The following DNAJC17 variants were observed in gnomAD, a reference collection of about 807,000 sequenced individuals.
DNAJC17 encodes dnaJ homolog subfamily C member 17.
DNAJC17 carries 35 observed loss-of-function variants against 48.1 expected under a neutral mutation model. That is an observed-to-expected ratio of 0.73 (90% CI 0.56 to 0.96). DNAJC17 has a LOEUF of 0.96. Ranked by LOEUF, DNAJC17 falls within the 50% of genes least tolerant of loss-of-function variation. DNAJC17 has a pLI of 0.00. For synonymous variants in DNAJC17, 117 were observed against 142.7 expected, an observed-to-expected ratio of 0.82 and a Z score of 1.28; for missense variants, 355 against 377.1, an observed-to-expected ratio of 0.94 and a Z score of 0.48.
At chr15:40,798,158 TAAAA>T (rs1889985394) in intron 1 of DNAJC17, among the ~76,000 whole-genome samples, 1 of 152,166 alleles carries the variant, frequency 6.6e-6, no homozygotes, top group Non-Finnish European at 1.5e-5. Flanking sequence ...TATTCAACCT[TAAAA>T]AGAAAGGAAA....
In DNAJC17 at chr15:40,767,248, C is replaced by T. The variant is rs759815106; in HGVS notation, c.*692G>A. On this transcript the variant is annotated 3_prime_UTR_variant, in exon 11 of 11. Coordinates refer to ENST00000220496, the MANE Select transcript of DNAJC17 (RefSeq NM_018163.3). ...CAGTTATGAATACTACGTCGATGAC[C>T]CTCCCCGCATAGTCCTGGACAAGCT... The T allele has an allele frequency of 6.3e-7, 1 of 1,580,566 alleles. No homozygotes were observed. Among genetic ancestry groups the T allele is most frequent in the East Asian group, 2.4e-5 (1 of 41,676 alleles).
At chr15:40,792,359 C>T (rs966769226) in intron 1 of DNAJC17, 6 of 680,762 alleles carry the variant, frequency 8.8e-6, no homozygotes, top group Non-Finnish European at 1.1e-5. Flanking sequence ...TATTAAGTTT[C>T]CCTGGTAGTT....
At chr15:40,804,727 C>A (rs557843278) in intron 1 of DNAJC17, among the ~76,000 whole-genome samples, 1 of 152,206 alleles carries the variant, frequency 6.6e-6, no homozygotes, top group Non-Finnish European at 1.5e-5. Context: ...TTCAGCCGGG[C>A]GCGGTGGCTC....
At chr15:40,798,482 A>T (rs528996032) in intron 1 of DNAJC17, among the ~76,000 whole-genome samples, 2 of 152,348 alleles carry the variant, frequency 1.3e-5, no homozygotes, top group Admixed American at 1.3e-4. Context: ...TTAATCAAAA[A>T]GGATTAAAAT....
chr15:40,779,311 C>CTGGCAGGAGAAAG lies in DNAJC17; in HGVS notation c.208-14_208-2dup. Reference sequence around the variant, plus strand: ...CTTTCCTGACCTTGTCATATGCAGCCTGGCAGGAGAAAGGGGCACAGGGCA... The same window carrying CTGGCAGGAGAAAG: ...CTTTCCTGACCTTGTCATATGCAGCCTGGCAGGAGAAAGTGGCAGGAGAAAGGGGCACAGGGCA... On this transcript the variant is annotated splice_acceptor_variant, in intron 3 of 10. Coordinates refer to ENST00000220496, the MANE Select transcript of DNAJC17 (RefSeq NM_018163.3). LOFTEE classifies it high-confidence loss of function. The CTGGCAGGAGAAAG allele has an allele frequency of 6.2e-7, 1 of 1,613,988 alleles. No homozygotes were observed.
chr15:40,781,551 G>A (rs183958243), intron 1 of DNAJC17, among the ~76,000 whole-genome samples: 6 of 152,014 alleles, frequency 3.9e-5, no homozygotes, highest in Non-Finnish European at 8.8e-5. Context: ...AATTTGCCAC[G>A]CTTATTAAAA....
chr15:40,805,647 G>A (rs1317229165), intron 1 of DNAJC17, among the ~76,000 whole-genome samples: 1 of 151,084 alleles, frequency 6.6e-6, no homozygotes, highest in Non-Finnish European at 1.5e-5. Flanking sequence ...TCGAGACCAC[G>A]GTGAAACCCC....
intron 1 of DNAJC17, among the ~76,000 whole-genome samples, chr15:40,788,108 G>C (rs937382589): frequency 2.0e-5 from 3 of 152,180 alleles, no homozygotes; most frequent in African/African-American, 7.2e-5. Context: ...CCCAGTTCCA[G>C]TCACAGGCAC....
chr15:40,767,354 C>G lies in DNAJC17; in HGVS notation c.*586G>C, dbSNP rs1888973462. 1 of 1,594,124 alleles carries G rather than the reference C, an allele frequency of 6.3e-7. No homozygotes were observed. Among genetic ancestry groups the G allele is most frequent in the Non-Finnish European group, 8.5e-7 (1 of 1,171,366 alleles). ...TGGTGTCTGCACAAGGAGTGACCTT[C>G]TCATGCTGATTTGCAGACGGGGCAC... is the stretch of plus-strand genomic sequence containing the variant. On this transcript the variant is annotated 3_prime_UTR_variant, in exon 11 of 11. Coordinates refer to ENST00000220496, the MANE Select transcript of DNAJC17 (RefSeq NM_018163.3).
intron 1 of DNAJC17, among the ~76,000 whole-genome samples, chr15:40,784,055 C>T (rs571762253): frequency 2.6e-5 from 4 of 151,246 alleles, no homozygotes; most frequent in African/African-American, 9.7e-5. Flanking sequence ...GGTAAAACCC[C>T]GTCTCTACCA....
intron 1 of DNAJC17, among the ~76,000 whole-genome samples, chr15:40,806,779 C>T (rs752381822): frequency 3.3e-5 from 5 of 152,230 alleles, no homozygotes; most frequent in Non-Finnish European, 7.3e-5. Context: ...TACCATCTGC[C>T]TTAACCTTCT....
At chr15:40,805,905 A>G (rs1890202956) in intron 1 of DNAJC17, among the ~76,000 whole-genome samples, 2 of 137,938 alleles carry the variant, frequency 1.4e-5, no homozygotes, top group South Asian at 5.2e-4. Context: ...CACTTAGAAT[A>G]CTATCCAGAA....
chr15:40,794,025 A>T (rs563543350), intron 1 of DNAJC17, among the ~76,000 whole-genome samples: 4 of 152,166 alleles, frequency 2.6e-5, no homozygotes, highest in Admixed American at 6.5e-5. Context: ...TATTCTCAAC[A>T]CATGGTAGAT....
At chr15:40,802,642 A>G (rs1400510723) in intron 1 of DNAJC17, among the ~76,000 whole-genome samples, 1 of 152,140 alleles carries the variant, frequency 6.6e-6, no homozygotes, top group Non-Finnish European at 1.5e-5. Flanking sequence ...AGGGAGCCTT[A>G]GCAGAAGGAG....
chr15:40,771,004 C>T, intron 10 of DNAJC17: 2 of 1,550,756 alleles, frequency 1.3e-6, no homozygotes, highest in Non-Finnish European at 1.7e-6. Flanking sequence ...GAGCAGTTTC[C>T]TAGCGAGCCC....
At chr15:40,768,646 A>G (rs2141943013) in intron 10 of DNAJC17, among the ~76,000 whole-genome samples, 1 of 152,344 alleles carries the variant, frequency 6.6e-6, no homozygotes, top group Admixed American at 6.5e-5. Flanking sequence ...ACTACACACC[A>G]GGGCTCCTGG....
intron 9 of DNAJC17, 76 bp downstream of exon 9, chr15:40,774,280 G>C: frequency 6.6e-7 from 1 of 1,522,706 alleles, no homozygotes; most frequent in South Asian, 1.1e-5. Context: ...ACCTAACTCA[G>C]AGGGCCCACA....
intron 1 of DNAJC17, 179 bp from the exon 2 acceptor site, chr15:40,780,176 C>A (rs1318154665): frequency 5.8e-6 from 4 of 693,564 alleles, no homozygotes; most frequent in Non-Finnish European, 1.0e-5. Context: ...AGGGAGTGAG[C>A]CACTGTCGCC....
In DNAJC17 at chr15:40,779,202, G is replaced by A. The variant is rs763170995; in HGVS notation, c.295+21C>T. 42 of 1,609,250 alleles carry A rather than the reference G, an allele frequency of 2.6e-5. No individual in the cohort carries two copies. In the East Asian group the frequency reaches 2.9e-4, roughly 11 times the overall value. On this transcript the variant is annotated intron_variant, in intron 4 of 10. Transcript: ENST00000220496. ...TGACCACAGGAAACCACAGGCCACC[G>A]AGCACTATGATGGCACCTACCAAGC... is the stretch of plus-strand genomic sequence containing the variant.
Sources: allele counts gnomAD v4.1 joint callset (sites outside exome capture counted in the v4.1 genomes callset), GRCh38; gene constraint gnomAD v4.1.1; transcripts MANE v1.5; gene names NCBI Gene and HGNC (gene_info 2026-07-23, HGNC 2026-07-21).